The following THSD7B variants were observed in gnomAD, a reference collection of about 807,000 sequenced individuals.
THSD7B encodes thrombospondin type-1 domain-containing protein 7B.
In THSD7B, 138 loss-of-function variants were observed where a neutral mutation model predicts 213.6. That is an observed-to-expected ratio of 0.65 (90% CI 0.56 to 0.74). The LOEUF is 0.74. Ranked by LOEUF, THSD7B falls within the 30% of genes least tolerant of loss-of-function variation. THSD7B has a pLI of 0.00. For synonymous variants in THSD7B, 742 were observed against 687.0 expected, an observed-to-expected ratio of 1.08 and a Z score of -1.25; for missense variants, 1,931 against 1,991.5, an observed-to-expected ratio of 0.97 and a Z score of 0.58.
intron 15 of THSD7B, among the ~76,000 whole-genome samples, chr2:137,509,304 T>C (rs953444389): frequency 6.6e-6 from 1 of 150,910 alleles, no homozygotes; most frequent in Admixed American, 6.6e-5. Flanking sequence ...CTTTCCTTCT[T>C]TCCTCTCTCT....
intron 13 of THSD7B, 84 bp downstream of exon 13, chr2:137,405,891 G>A (rs561506190): frequency 7.9e-7 from 1 of 1,268,964 alleles, no homozygotes; most frequent in Admixed American, 2.8e-5. Flanking sequence ...CCAAAGGACA[G>A]GAATTTGCAT....
intron 5 of THSD7B, among the ~76,000 whole-genome samples, chr2:137,148,334 C>T (rs963420133): frequency 3.3e-5 from 5 of 152,180 alleles, no homozygotes; most frequent in Middle Eastern, 3.4e-3. Context: ...TACCCAGTCT[C>T]GGGTATTTCT....
chr2:137,153,202 G>A (rs1679850875), intron 5 of THSD7B, among the ~76,000 whole-genome samples: 1 of 151,910 alleles, frequency 6.6e-6, no homozygotes, highest in South Asian at 2.1e-4. Flanking sequence ...TTATATATGT[G>A]CTTCACTTGT....
intron 7 of THSD7B, among the ~76,000 whole-genome samples, chr2:137,202,562 A>C (rs1415956533): frequency 1.3e-5 from 2 of 152,198 alleles, no homozygotes; most frequent in African/African-American, 4.8e-5. Flanking sequence ...GGCCCTGCCA[A>C]CACCTAACTG....
chr2:137,228,278 C>T (rs1365574548), intron 7 of THSD7B, among the ~76,000 whole-genome samples: 3 of 151,940 alleles, frequency 2.0e-5, no homozygotes, highest in African/African-American at 7.2e-5. Context: ...TATAGCCAAA[C>T]TACCAAAAGG....
At chr2:136,915,334 A>G (rs1684332258) in intron 2 of THSD7B, among the ~76,000 whole-genome samples, 1 of 152,246 alleles carries the variant, frequency 6.6e-6, no homozygotes, top group South Asian at 2.1e-4. Context: ...ACAGGACTTT[A>G]TCATAAATTG....
intron 12 of THSD7B, among the ~76,000 whole-genome samples, chr2:137,400,851 G>A (rs1284518349): frequency 6.6e-6 from 1 of 151,946 alleles, no homozygotes; most frequent in Non-Finnish European, 1.5e-5. Context: ...GCTGTGTCCT[G>A]GAGCAGGGGA....
intron 2 of THSD7B, among the ~76,000 whole-genome samples, chr2:136,924,678 A>G (rs1684492806): frequency 1.3e-5 from 2 of 152,240 alleles, no homozygotes; most frequent in South Asian, 2.1e-4. Context: ...GAAATTCTAC[A>G]TGAATTTTAG....
intron 15 of THSD7B, among the ~76,000 whole-genome samples, chr2:137,479,836 C>T (rs1400895471): frequency 6.6e-6 from 1 of 152,126 alleles, no homozygotes; most frequent in Non-Finnish European, 1.5e-5. Context: ...GTAGCTGTAG[C>T]TGCTTGGGAC....
intron 15 of THSD7B, among the ~76,000 whole-genome samples, chr2:137,473,990 A>C (rs373650753): frequency 2.0e-5 from 3 of 152,258 alleles, no homozygotes. Context: ...AGTCATAATA[A>C]ATTTATTAGA....
At chr2:137,141,859 T>G (rs886518661) in intron 5 of THSD7B, among the ~76,000 whole-genome samples, 7 of 152,134 alleles carry the variant, frequency 4.6e-5, no homozygotes, top group Non-Finnish European at 1.0e-4. Flanking sequence ...AAGTTACATT[T>G]AATGTTTTTT....
At chr2:137,004,127 T>C (rs1478197608) in intron 2 of THSD7B, among the ~76,000 whole-genome samples, 1 of 152,196 alleles carries the variant, frequency 6.6e-6, no homozygotes, top group Non-Finnish European at 1.5e-5. Context: ...TTGATACTTG[T>C]CTATGAAATT....
At chr2:137,108,240 A>G (rs1688291297) in intron 4 of THSD7B, among the ~76,000 whole-genome samples, 1 of 152,218 alleles carries the variant, frequency 6.6e-6, no homozygotes, top group South Asian at 2.1e-4. Flanking sequence ...AAGAAGGAGC[A>G]AAGAAACCCA....
rs1383358669 is a variant in THSD7B at position 137,056,475 on chromosome 2, A to C, written c.195A>C (p.Ala65=). Residue 65 remains alanine, a synonymous_variant, in exon 3 of 28, where the codon GCA becomes GCC. Transcript: ENST00000409968. ...DCGPGGVQSR[A]VWCFHVDGWT... is the part of the protein sequence containing the mutation. ...GTCCCGGAGGAGTCCAGAGTCGGGC[A>C]GTGTGGTGTTTTCATGTTGACGGGT... The C allele has an allele frequency of 1.2e-6, 2 of 1,613,956 alleles. No homozygotes were observed. The highest frequency in any genetic ancestry group is 1.7e-6 in the Non-Finnish European group (2 of 1,179,874).
intron 1 of THSD7B, among the ~76,000 whole-genome samples, chr2:136,820,203 G>A (rs777625959): frequency 1.3e-5 from 2 of 152,100 alleles, no homozygotes; most frequent in Non-Finnish European, 2.9e-5. Flanking sequence ...CACCTCAAAC[G>A]GTGCTGGATA....
intron 11 of THSD7B, among the ~76,000 whole-genome samples, chr2:137,275,096 C>T (rs1682837398): frequency 1.3e-5 from 2 of 151,958 alleles, no homozygotes; most frequent in Non-Finnish European, 2.9e-5. Flanking sequence ...TCTGAAGAGA[C>T]AGATTTAAGG....
intron 1 of THSD7B, among the ~76,000 whole-genome samples, chr2:136,848,553 G>C (rs1441459730): frequency 3.3e-5 from 5 of 152,084 alleles, no homozygotes; most frequent in African/African-American, 1.2e-4. Flanking sequence ...TCAAGAAATA[G>C]CTCTAATTTG....
intron 4 of THSD7B, among the ~76,000 whole-genome samples, chr2:137,114,542 A>G (rs866130596): frequency 3.3e-5 from 5 of 152,212 alleles, no homozygotes; most frequent in African/African-American, 1.2e-4. Flanking sequence ...AAAAGTATTA[A>G]TCAGTTATAT....
At chr2:137,285,786 TG>T (rs1403007736) in intron 12 of THSD7B, among the ~76,000 whole-genome samples, 1 of 152,060 alleles carries the variant, frequency 6.6e-6, no homozygotes, top group East Asian at 1.9e-4. Flanking sequence ...CACTAAGGCT[TG>T]TAATATGTGA....
Sources: gnomAD v4.1 joint callset for allele counts (sites outside exome capture counted in the v4.1 genomes callset) on GRCh38, gnomAD v4.1.1 for gene constraint, MANE v1.5 for transcripts, NCBI Gene and HGNC (gene_info 2026-07-23, HGNC 2026-07-21) for gene names.